TRIM9: variants seen among roughly 807,000 people sequenced by gnomAD.
The protein encoded by TRIM9 is tripartite motif containing 9.
TRIM9 carries 26 observed loss-of-function variants against 78.3 expected under a neutral mutation model. The ratio of observed to expected loss-of-function variants is 0.33; its 90% confidence interval spans 0.24 to 0.46. The LOEUF (loss-of-function observed/expected upper bound fraction) is 0.46, where lower values mean the gene tolerates loss of function less well. Ranked by LOEUF, TRIM9 falls within the 20% of genes least tolerant of loss-of-function variation. The pLI is 1.00. For synonymous variants in TRIM9, 398 were observed against 416.5 expected (o/e 0.96, Z 0.54); for missense variants, 787 against 1,036.4 (o/e 0.76, Z 3.30).
intron 1 of TRIM9, among the ~76,000 whole-genome samples, chr14:51,075,728 C>T (rs1390901936): frequency 6.6e-6 from 1 of 152,214 alleles, no homozygotes. Context: ...GATGCCTGAG[C>T]TGCTCCACCT....
At chr14:50,978,967 T>C (rs1203365779) in intron 12 of TRIM9, 20 of 1,113,026 alleles carry the variant, frequency 1.8e-5, no homozygotes, top group Non-Finnish European at 2.2e-5. Flanking sequence ...GCAGAGAAGA[T>C]GCTCAGATTT....
chr14:51,024,540 A>C (rs1255971674), intron 2 of TRIM9, among the ~76,000 whole-genome samples: 2 of 152,244 alleles, frequency 1.3e-5, no homozygotes, highest in African/African-American at 4.8e-5. Context: ...AAGAATGCTA[A>C]ACAGTACAGA....
chr14:50,977,958 G>A (rs1420780014), intron 12 of TRIM9, among the ~76,000 whole-genome samples: 2 of 151,958 alleles, frequency 1.3e-5, no homozygotes. Context: ...ATAATCAGAA[G>A]GTCCTGAAAA....
intron 10 of TRIM9, 25 bp from the exon 11 acceptor site, chr14:50,982,128 GT>G (rs1224792512): frequency 6.2e-6 from 10 of 1,611,134 alleles, no homozygotes; most frequent in Admixed American, 1.7e-5. Flanking sequence ...AGGGAATCAG[GT>G]TATTAAGACA....
At chr14:51,064,135 T>A (rs4077265) in intron 1 of TRIM9, among the ~76,000 whole-genome samples, 62,960 of 151,980 alleles carry the variant, frequency 0.41, 13,396 homozygotes, top group Middle Eastern at 0.47. Context: ...ATTTGATGTG[T>A]ATGTTAGCTG....
In TRIM9 at chr14:50,975,937, T is replaced by G. The variant is rs2051060476; in HGVS notation, c.*1354A>C. On this transcript the variant is annotated 3_prime_UTR_variant, in exon 13 of 13. Transcript: ENST00000684578. ...GTCCCATGTTTTTCCAAACATTGTT[T>G]GGACTACTCCAGAAAATTAGGCTGT... 6.5e-6 allele frequency: 1 copy of G among 152,774 alleles called. No individual in the cohort carries two copies. Among genetic ancestry groups the G allele is most frequent in the African/African-American group, 2.4e-5 (1 of 41,580 alleles). 9.5% of individuals were successfully genotyped at this position (152,774 alleles called of 1,614,324 possible).
rs141815045 is a variant in TRIM9, at chr14:51,074,917, C to T, written c.822+19201G>A. ...TACATGGTTCATCTCCTTTTGATCT[C>T]ACAATGTTGAAGCCCCAATTGAGAA... On this transcript the variant is annotated intron_variant, in intron 1 of 12. Transcript: ENST00000684578. Among the ~76,000 whole-genome samples, 635 of 152,312 alleles carry T rather than the reference C, an allele frequency of 4.2e-3. 6 individuals carry two copies. Among genetic ancestry groups the T allele is most frequent in the African/African-American group, 0.014 (595 of 41,562 alleles).
In TRIM9 at chr14:50,979,448, A is replaced by C. The variant is rs766603858; in HGVS notation, c.2264T>G (p.Ile755Arg). The change falls in exon 12 of 13, where the codon ATA becomes AGA. Residue 755 changes from isoleucine to arginine, a missense_variant. Around this residue, in one of 3 missense-constraint regions of TRIM9, gnomAD observed 421 missense variants for 514.3 expected, o/e 0.82. Transcript: ENST00000684578. ...FFINDEQQGP[I>R]AFDNVEGLFF... The stretch of plus-strand genomic sequence containing the variant: ...GAGGCCCTCCACGTTATCAAATGCT[A>C]TGGGACCTTGTTGTTCATCGTTGAT... The C allele has an allele frequency of 4.3e-6, 7 of 1,614,132 alleles. No homozygotes were observed. The African/African-American group carries it at 9.3e-5, about 22-fold the overall frequency.
chr14:51,095,012 T>C lies in TRIM9; in HGVS notation c.-73A>G, dbSNP rs1322599098. The C allele has an allele frequency of 1.7e-6, 2 of 1,208,566 alleles. No individual in the cohort carries two copies. Among genetic ancestry groups the C allele is most frequent in the South Asian group, 2.3e-5 (1 of 43,036 alleles). 74.9% of individuals were successfully genotyped at this position (1,208,566 alleles called of 1,614,324 possible). A position where few individuals can be genotyped will look rare whatever the true frequency, so the allele number is the denominator to read the frequency against. On this transcript the variant is annotated 5_prime_UTR_variant, in exon 1 of 13. Transcript: ENST00000684578. Reference sequence around the variant, plus strand: ...GCTGGCGAGGTGGCCGACGGGCCCGTCTTGTCCAGCACCCTGGCCAGCGGC... The same window carrying C: ...GCTGGCGAGGTGGCCGACGGGCCCGCCTTGTCCAGCACCCTGGCCAGCGGC...
chr14:51,015,337 A>T (rs1003787422), intron 3 of TRIM9, among the ~76,000 whole-genome samples: 31 of 152,070 alleles, frequency 2.0e-4, no homozygotes, highest in African/African-American at 7.5e-4. Context: ...AGTTCATGTG[A>T]CACAACCAGA....
At chr14:50,997,341 A>T in intron 7 of TRIM9, 1 of 985,394 alleles carries the variant, frequency 1.0e-6, no homozygotes, top group Non-Finnish European at 1.2e-6. Flanking sequence ...AATTCTCTAG[A>T]GATGAACCTT....
chr14:51,051,724 T>C (rs2060439234), intron 1 of TRIM9, among the ~76,000 whole-genome samples: 1 of 152,110 alleles, frequency 6.6e-6, no homozygotes, highest in Admixed American at 6.6e-5. Context: ...CCCAGCACTT[T>C]GGGAGGCTGA....
At chr14:51,016,932 G>A (rs894369715) in intron 3 of TRIM9, among the ~76,000 whole-genome samples, 4 of 152,212 alleles carry the variant, frequency 2.6e-5, no homozygotes, top group Non-Finnish European at 5.9e-5. Context: ...CAAGTTTGAA[G>A]TGTTTGTTCT....
chr14:51,063,201 ATATT>A (rs2061483322), intron 1 of TRIM9, among the ~76,000 whole-genome samples: 1 of 152,182 alleles, frequency 6.6e-6, no homozygotes, highest in African/African-American at 2.4e-5. Flanking sequence ...ACAGAAAAGT[ATATT>A]TATAATAAGC....
intron 7 of TRIM9, among the ~76,000 whole-genome samples, chr14:50,990,326 C>G (rs901840935): frequency 6.6e-6 from 1 of 152,240 alleles, no homozygotes; most frequent in Middle Eastern, 3.4e-3. Context: ...CCATATATTT[C>G]TTTTATTTGT....
Position 51,025,277 on chromosome 14 carries a change from G to T in TRIM9, c.906C>A (p.Val302=). 6.2e-7 allele frequency: 1 copy of T among 1,614,164 alleles called. No homozygotes were observed. The highest frequency in any genetic ancestry group is 1.1e-5 in the South Asian group (1 of 91,082). ...KEFLVQLRNM[V]QQIQENSVEF... ...GTAACACCCATACCTGGATCTGCTGGACCATGTTGCGCAGCTGTACCAGAA... is the reference window on the plus strand; with the variant it reads ...GTAACACCCATACCTGGATCTGCTGTACCATGTTGCGCAGCTGTACCAGAA... Residue 302 remains valine (V), a synonymous_variant, in exon 2 of 13, where the codon GTC becomes GTA. Coordinates refer to ENST00000684578, the MANE Select transcript of TRIM9 (RefSeq NM_001387360.1).
chr14:51,080,174 T>C (rs116008477), intron 1 of TRIM9, among the ~76,000 whole-genome samples: 288 of 151,900 alleles, frequency 1.9e-3, no homozygotes, highest in Middle Eastern at 6.8e-3. Flanking sequence ...TGGAAACTCC[T>C]ACCAATAGAT....
intron 7 of TRIM9, among the ~76,000 whole-genome samples, chr14:50,994,456 G>C (rs578018748): frequency 6.6e-6 from 1 of 152,290 alleles, no homozygotes; most frequent in African/African-American, 2.4e-5. Context: ...GATGCTACAT[G>C]TCTGGCTTTG....
At chr14:51,018,071 T>C (rs1049418757) in intron 3 of TRIM9, among the ~76,000 whole-genome samples, 1 of 152,206 alleles carries the variant, frequency 6.6e-6, no homozygotes, top group Non-Finnish European at 1.5e-5. Context: ...CTGAGGGCAG[T>C]TGAAAGCTTC....
Sources: gnomAD v4.1 joint callset for allele counts (sites outside exome capture counted in the v4.1 genomes callset) on GRCh38, gnomAD v4.1.1 for gene constraint, gnomAD v4.1.1 regional missense constraint, MANE v1.5 for transcripts, NCBI Gene and HGNC (gene_info 2026-07-23, HGNC 2026-07-21) for gene names.